CACNA2D2: variants seen among roughly 807,000 people sequenced by gnomAD.
CACNA2D2 encodes calcium voltage-gated channel auxiliary subunit alpha2delta 2.
In CACNA2D2, 48 loss-of-function variants were observed where a neutral mutation model predicts 166.4. That is an observed-to-expected ratio of 0.29 (90% CI 0.23 to 0.37). The LOEUF (loss-of-function observed/expected upper bound fraction) is 0.37, where lower values mean the gene tolerates loss of function less well. CACNA2D2 is among the 10% of genes least tolerant of loss of function. The pLI is 1.00. For synonymous variants in CACNA2D2, 561 were observed against 573.7 expected, an observed-to-expected ratio of 0.98 and a Z score of 0.32; for missense variants, 1,122 against 1,433.0, an observed-to-expected ratio of 0.78 and a Z score of 3.50.
chr3:50,442,287 G>GA (rs539278966), intron 2 of CACNA2D2, among the ~76,000 whole-genome samples: 137 of 152,318 alleles, frequency 9.0e-4, no homozygotes, highest in Non-Finnish European at 1.7e-3. Flanking sequence ...CCAGCATGAG[G>GA]CACACTCCTG....
At chr3:50,462,687 T>C (rs1386111839) in intron 2 of CACNA2D2, among the ~76,000 whole-genome samples, 6 of 151,722 alleles carry the variant, frequency 4.0e-5, no homozygotes, top group East Asian at 1.9e-4. Flanking sequence ...AATCAAGAAG[T>C]AGCGACATAA....
At chr3:50,495,166 T>G (rs529739411) in intron 1 of CACNA2D2, among the ~76,000 whole-genome samples, 2 of 152,322 alleles carry the variant, frequency 1.3e-5, no homozygotes, top group South Asian at 2.1e-4. Flanking sequence ...TCCGTGTCTA[T>G]ATGATGGTGG....
At chr3:50,489,698 C>G (rs1206784104) in intron 1 of CACNA2D2, among the ~76,000 whole-genome samples, 2 of 152,166 alleles carry the variant, frequency 1.3e-5, no homozygotes, top group Non-Finnish European at 2.9e-5. Flanking sequence ...CAACTCCTGC[C>G]CCTTACCTCG....
intron 2 of CACNA2D2, among the ~76,000 whole-genome samples, chr3:50,473,426 A>G (rs1015995843): frequency 1.2e-4 from 18 of 152,232 alleles, no homozygotes; most frequent in Non-Finnish European, 2.6e-4. Flanking sequence ...TGAGGGGAAG[A>G]AGGCCAAGGG....
chr3:50,434,567 G>T, intron 2 of CACNA2D2, 138 bp from the exon 3 acceptor site: 2 of 681,510 alleles, frequency 2.9e-6, no homozygotes, highest in Non-Finnish European at 2.6e-6. Flanking sequence ...CTCTGAGAGA[G>T]GGCATGGAAG....
chr3:50,380,758 T>G lies in CACNA2D2; in HGVS notation c.832A>C (p.Arg278=). 2 of 1,544,094 alleles carry G rather than the reference T, an allele frequency of 1.3e-6. No homozygotes were observed. Among genetic ancestry groups the G allele is most frequent in the Non-Finnish European group, 1.7e-6 (2 of 1,145,126 alleles). Residue 278 remains arginine (R), a synonymous_variant, in exon 8 of 38, where the codon AGG becomes CGG. Transcript: ENST00000424201. The surrounding 1 kb of genome is among the most constrained non-coding windows in gnomAD (Gnocchi z 4.9). ...PKKIDLYDVR[R]RPWYIQGASS... Reference sequence around the variant, plus strand: ...TTCTTGCTCGCTCACCAGGGTCTCCTTCGGACATCGTACAGGTCGATCTTC... The same window carrying G: ...TTCTTGCTCGCTCACCAGGGTCTCCGTCGGACATCGTACAGGTCGATCTTC...
chr3:50,479,983 GT>G (rs1697977031), intron 1 of CACNA2D2, among the ~76,000 whole-genome samples: 1 of 152,220 alleles, frequency 6.6e-6, no homozygotes. Flanking sequence ...AGGAGGAGAT[GT>G]AGGCATCTAG....
chr3:50,470,146 G>C (rs568129013), intron 2 of CACNA2D2, among the ~76,000 whole-genome samples: 2 of 152,320 alleles, frequency 1.3e-5, no homozygotes, highest in African/African-American at 4.8e-5. Flanking sequence ...AGGACTCTAG[G>C]AGCCAGGGGC....
At chr3:50,407,094 T>C (rs1260648040) in intron 3 of CACNA2D2, among the ~76,000 whole-genome samples, 1 of 151,782 alleles carries the variant, frequency 6.6e-6, no homozygotes, top group Admixed American at 6.6e-5. Context: ...GAACTGGCCC[T>C]GGGCACTCTT....
At chr3:50,372,179 C>T (rs1704686536) in intron 22 of CACNA2D2, among the ~76,000 whole-genome samples, 1 of 152,204 alleles carries the variant, frequency 6.6e-6, no homozygotes. Flanking sequence ...ACCCACTCTT[C>T]CAGAAGTCTC....
rs547413405 is a variant in CACNA2D2, at chr3:50,481,535, C to T, written c.207-5336G>A. 3.1e-4 allele frequency among the ~76,000 whole-genome samples: 47 copies of T among 152,248 alleles called. No homozygotes were observed. In the South Asian group the frequency reaches 9.5e-3, roughly 31 times the overall value. ...GCAGGAGGGCTGGATGACAGGACAG[C>T]AGGAGGCTGGGGCAGGTGAGCAGTG... is the stretch of plus-strand genomic sequence containing the variant. On this transcript the variant is annotated intron_variant, in intron 1 of 37. Transcript: ENST00000424201.
At chr3:50,429,081 A>T (rs1178156195) in intron 3 of CACNA2D2, among the ~76,000 whole-genome samples, 1 of 152,124 alleles carries the variant, frequency 6.6e-6, no homozygotes, top group Non-Finnish European at 1.5e-5. Context: ...ACACAAAAAA[A>T]TAGCCAGGCA....
At chr3:50,417,492 G>A (rs559793284) in intron 3 of CACNA2D2, among the ~76,000 whole-genome samples, 1 of 152,274 alleles carries the variant, frequency 6.6e-6, no homozygotes, top group South Asian at 2.1e-4. Flanking sequence ...GGATGGTCCA[G>A]CGCCGTCTGC....
intron 15 of CACNA2D2, 77 bp downstream of exon 15, chr3:50,377,931 T>A (rs1300087227): frequency 6.6e-7 from 1 of 1,514,258 alleles, no homozygotes; most frequent in Non-Finnish European, 9.1e-7. Context: ...AAGGGGGCCC[T>A]CCAGGGTCTT....
At chr3:50,424,685 G>A (rs931778936) in intron 3 of CACNA2D2, among the ~76,000 whole-genome samples, 1 of 152,162 alleles carries the variant, frequency 6.6e-6, no homozygotes, top group Non-Finnish European at 1.5e-5. Flanking sequence ...AACCTACTAC[G>A]ATGCCAGCAC....
intron 5 of CACNA2D2, among the ~76,000 whole-genome samples, chr3:50,384,904 A>G (rs1160434724): frequency 6.6e-6 from 1 of 152,150 alleles, no homozygotes; most frequent in East Asian, 1.9e-4. Flanking sequence ...GGGGAGGCTA[A>G]CCTGGGAGAG....
intron 2 of CACNA2D2, among the ~76,000 whole-genome samples, chr3:50,440,587 A>G (rs1708542011): frequency 6.6e-6 from 1 of 152,238 alleles, no homozygotes; most frequent in Non-Finnish European, 1.5e-5. Flanking sequence ...ACACAGAACC[A>G]GGCCATTACA....
In CACNA2D2 at chr3:50,427,843, C is replaced by T. The variant is rs1462899938; in HGVS notation, c.405+6470G>A. ...CTTGGCAGTAGGCGACATCCATGGCCTGGTCCTCCAGGGGCCAACCTGTTT... is the reference window on the plus strand; with the variant it reads ...CTTGGCAGTAGGCGACATCCATGGCTTGGTCCTCCAGGGGCCAACCTGTTT... On this transcript the variant is annotated intron_variant, in intron 3 of 37. Coordinates refer to ENST00000424201, the MANE Select transcript of CACNA2D2 (RefSeq NM_006030.4). The surrounding 1 kb of genome is among the most constrained non-coding windows in gnomAD (Gnocchi z 4.7). 1.3e-5 allele frequency among the ~76,000 whole-genome samples: 2 copies of T among 152,238 alleles called. No homozygotes were observed. Among genetic ancestry groups the T allele is most frequent in the African/African-American group, 2.4e-5 (1 of 41,458 alleles).
intron 3 of CACNA2D2, among the ~76,000 whole-genome samples, chr3:50,428,366 C>A (rs1293897254): frequency 6.6e-6 from 1 of 152,008 alleles, no homozygotes; most frequent in Non-Finnish European, 1.5e-5. Flanking sequence ...TCCTTCCTGA[C>A]AAAGGGAGCG....
Sources: allele counts gnomAD v4.1 joint callset (sites outside exome capture counted in the v4.1 genomes callset), GRCh38; gene constraint gnomAD v4.1.1; non-coding constraint Gnocchi (gnomAD v3.1); transcripts MANE v1.5; gene names NCBI Gene and HGNC (gene_info 2026-07-23, HGNC 2026-07-21).